The following SPTLC1 variants were observed in gnomAD, a reference collection of about 807,000 sequenced individuals.
SPTLC1 encodes serine palmitoyltransferase long chain base subunit 1.
Under a neutral mutation model 68.9 loss-of-function variants are expected in SPTLC1, and 55 were observed. The ratio of observed to expected loss-of-function variants is 0.80; its 90% CI spans 0.64 to 1.00. SPTLC1 has a LOEUF of 1.00. Ranked by LOEUF, SPTLC1 falls within the 50% of genes least tolerant of loss-of-function variation. SPTLC1 has a pLI of 0.00. For synonymous variants in SPTLC1, 197 were observed against 201.6 expected (o/e 0.98, Z 0.19); for missense variants, 449 against 573.1 (o/e 0.78, Z 2.21).
chr9:92,114,185 G>A (rs369775121), intron 1 of SPTLC1, among the ~76,000 whole-genome samples: 1 of 152,018 alleles, frequency 6.6e-6, no homozygotes, highest in Admixed American at 6.6e-5. Context: ...TGGGAGGATC[G>A]CTTGAGTCTG....
intron 5 of SPTLC1, chr9:92,079,576 T>C (rs1276190956): frequency 2.5e-6 from 4 of 1,610,682 alleles, no homozygotes; most frequent in East Asian, 2.2e-5. Context: ...TCTAGAAAGA[T>C]AAAAAACTAC....
intron 3 of SPTLC1, among the ~76,000 whole-genome samples, chr9:92,090,515 G>A (rs1835319755): frequency 1.3e-5 from 2 of 151,992 alleles, no homozygotes; most frequent in Non-Finnish European, 2.9e-5. Flanking sequence ...CAGAGGCGGA[G>A]GCAGGAGAAT....
intron 8 of SPTLC1, among the ~76,000 whole-genome samples, chr9:92,052,599 G>A (rs1037535263): frequency 4.0e-5 from 6 of 151,048 alleles, no homozygotes; most frequent in African/African-American, 4.9e-5. Context: ...GCGTGATCTC[G>A]GCTCACTGCA....
At chr9:92,054,338 C>A (rs992994286) in intron 8 of SPTLC1, among the ~76,000 whole-genome samples, 3 of 152,086 alleles carry the variant, frequency 2.0e-5, no homozygotes, top group African/African-American at 7.2e-5. Flanking sequence ...CATTCATATG[C>A]AATTCTACAA....
rs1269338183 is a variant in SPTLC1 at position 92,105,584 on chromosome 9, G to GA, written c.260+3155dup. Reference sequence around the variant, plus strand: ...GCTGCTCCACCATCTGGGAAGTGAGGAGCGCCTCTGCCCAGCCGCCCCACC... The same window carrying GA: ...GCTGCTCCACCATCTGGGAAGTGAGGAAGCGCCTCTGCCCAGCCGCCCCACC... On this transcript the variant is annotated intron_variant, in intron 3 of 14. Transcript: ENST00000262554. 7.5e-5 allele frequency: 40 copies of GA among 535,906 alleles called. No homozygotes were observed. The African/African-American group carries it at 7.5e-4, about 10-fold the overall frequency. The allele number at this position is 535,906 out of a possible 1,614,324, so 33.2% of individuals were successfully genotyped here. A position where few individuals can be genotyped will look rare whatever the true frequency, so the allele number is the denominator to read the frequency against.
At chr9:92,051,791 CTG>C (rs1186922066) in intron 8 of SPTLC1, among the ~76,000 whole-genome samples, 1 of 152,150 alleles carries the variant, frequency 6.6e-6, no homozygotes, top group Non-Finnish European at 1.5e-5. Flanking sequence ...ACACAAATAT[CTG>C]TTGTATTTCT....
intron 1 of SPTLC1, among the ~76,000 whole-genome samples, chr9:92,113,327 T>C (rs1836314020): frequency 6.6e-6 from 1 of 152,214 alleles, no homozygotes; most frequent in South Asian, 2.1e-4. Flanking sequence ...CCTTTTAGTT[T>C]TCTCAATAGT....
intron 3 of SPTLC1, among the ~76,000 whole-genome samples, chr9:92,083,289 G>A (rs1834967850): frequency 6.6e-6 from 1 of 152,084 alleles, no homozygotes; most frequent in South Asian, 2.1e-4. Flanking sequence ...CATTACTTTT[G>A]GTGTTTTAGA....
rs1836282546 is a variant in SPTLC1 at position 92,112,440 on chromosome 9, G to A, written c.165+15C>T. 6.5e-7 allele frequency: 1 copy of A among 1,542,840 alleles called. No homozygotes were observed. The highest frequency in any genetic ancestry group is 8.9e-7 in the Non-Finnish European group (1 of 1,117,512). ...TCACATACCCAATAATTAAAACAGA[G>A]ATTTAATTTCGTACCTTGACTGTAA... On this transcript the variant is annotated intron_variant, in intron 2 of 14. Coordinates refer to ENST00000262554, the MANE Select transcript of SPTLC1 (RefSeq NM_006415.4).
At chr9:92,065,422 C>A (rs1431282596) in intron 6 of SPTLC1, among the ~76,000 whole-genome samples, 2 of 152,016 alleles carry the variant, frequency 1.3e-5, no homozygotes, top group African/African-American at 4.8e-5. Flanking sequence ...TTTAAAATTA[C>A]GTAGCAGAAT....
At chr9:92,091,429 A>G (rs1190029054) in intron 3 of SPTLC1, among the ~76,000 whole-genome samples, 3 of 152,248 alleles carry the variant, frequency 2.0e-5, no homozygotes, top group East Asian at 1.9e-4. Flanking sequence ...AAATTTTTCA[A>G]TGCTTCTAAT....
chr9:92,036,970 T>C (rs1833162619), intron 13 of SPTLC1, among the ~76,000 whole-genome samples: 1 of 152,196 alleles, frequency 6.6e-6, no homozygotes, highest in African/African-American at 2.4e-5. Context: ...TCCAGCCTGA[T>C]CATTCATAAT....
At chr9:92,065,436 C>A (rs964390437) in intron 6 of SPTLC1, among the ~76,000 whole-genome samples, 3 of 152,042 alleles carry the variant, frequency 2.0e-5, no homozygotes, top group Non-Finnish European at 4.4e-5. Flanking sequence ...GCAGAATAAA[C>A]AGGTTAGCAA....
At chr9:92,062,874 A>G (rs1049309637) in intron 6 of SPTLC1, among the ~76,000 whole-genome samples, 5 of 152,232 alleles carry the variant, frequency 3.3e-5, no homozygotes, top group Non-Finnish European at 5.9e-5. Context: ...AGACACAACT[A>G]AAGTAGTGTT....
intron 8 of SPTLC1, chr9:92,051,364 G>GA: frequency 1.5e-6 from 1 of 670,774 alleles, no homozygotes; most frequent in Non-Finnish European, 1.8e-6. Flanking sequence ...AATGTAGGGG[G>GA]AAAAACCCCA....
chr9:92,087,809 T>C (rs1835207407), intron 3 of SPTLC1, among the ~76,000 whole-genome samples: 1 of 152,242 alleles, frequency 6.6e-6, no homozygotes, highest in Non-Finnish European at 1.5e-5. Flanking sequence ...CTGCAGAGGT[T>C]ACTGCTGTCT....
intron 3 of SPTLC1, among the ~76,000 whole-genome samples, chr9:92,083,198 C>T (rs1834962248): frequency 6.6e-6 from 1 of 152,128 alleles, no homozygotes. Flanking sequence ...GTTGCCTCTT[C>T]ACTCTGATGG....
At chr9:92,053,459 C>A (rs935071285) in intron 8 of SPTLC1, among the ~76,000 whole-genome samples, 5 of 152,188 alleles carry the variant, frequency 3.3e-5, no homozygotes, top group Admixed American at 6.5e-5. Context: ...AATACCTGTA[C>A]ACAAATGTTC....
At chr9:92,038,849 T>C (rs568270066) in intron 12 of SPTLC1, among the ~76,000 whole-genome samples, 195 of 152,390 alleles carry the variant, frequency 1.3e-3, no homozygotes, top group African/African-American at 4.5e-3. Context: ...CTTCACAAGC[T>C]ACTCACTACA....
Sources: gnomAD v4.1 joint callset for allele counts (sites outside exome capture counted in the v4.1 genomes callset) on GRCh38, gnomAD v4.1.1 for gene constraint, MANE v1.5 for transcripts, NCBI Gene and HGNC (gene_info 2026-07-23, HGNC 2026-07-21) for gene names.